Variants in POU2F3 observed in about 807,000 individuals in gnomAD.
POU2F3 encodes POU domain, class 2, transcription factor 3.
In POU2F3, 23 loss-of-function variants were observed where a neutral mutation model predicts 59.2. That is an observed-to-expected ratio of 0.39 (90% confidence interval 0.28 to 0.55). The LOEUF is 0.55. Among genes scored for constraint, POU2F3 ranks in the 20% least tolerant of loss-of-function variants. The pLI is 0.66. For missense variants in POU2F3, 473 were observed against 544.5 expected (o/e 0.87, Z 1.31); for synonymous variants, 190 against 214.6 (o/e 0.89, Z 1.00).
chr11:120,305,118 G>T lies in POU2F3; in HGVS notation c.533G>T (p.Ser178Ile), dbSNP rs1361358794. ...CTCCCAGTGCCCAAGCATCTACCCA[G>T]CTCTGGAGGGGCCGATGAGCCCAGT... is the stretch of plus-strand genomic sequence containing the variant. ...QHLPVPKHLP[S>I]SGGADEPSDL... Residue 178 changes from serine (S) to isoleucine (I), a missense_variant, in exon 7 of 13, where the codon AGC (serine) becomes ATC (isoleucine). Physicochemically the swap from Ser to Ile is moderately radical, Grantham distance 142 (BLOSUM62 -2). Transcript: ENST00000543440. The T allele has an allele frequency of 1.9e-6, 3 of 1,614,014 alleles. No individual in the cohort carries two copies. Among genetic ancestry groups the T allele is most frequent in the Non-Finnish European group, 2.5e-6 (3 of 1,180,012 alleles).
chr11:120,262,174 C>A (rs566034853), intron 2 of POU2F3, among the ~76,000 whole-genome samples: 1 of 152,128 alleles, frequency 6.6e-6, no homozygotes, highest in Non-Finnish European at 1.5e-5. Flanking sequence ...CTCAATGAAC[C>A]TTTTCAACTT....
intron 2 of POU2F3, among the ~76,000 whole-genome samples, chr11:120,247,660 G>T (rs1938927148): frequency 6.6e-6 from 1 of 152,154 alleles, no homozygotes; most frequent in South Asian, 2.1e-4. Flanking sequence ...TGTGGAGAGG[G>T]GCACCTGTTC....
chr11:120,302,529 C>A (rs2135288688), intron 6 of POU2F3, 161 bp downstream of exon 6: 1 of 613,936 alleles, frequency 1.6e-6, no homozygotes, highest in South Asian at 2.5e-5. Flanking sequence ...CAAGCTACAG[C>A]AAGTGGGGGG....
At chr11:120,297,639 T>C (rs907258664) in intron 3 of POU2F3, among the ~76,000 whole-genome samples, 1 of 152,138 alleles carries the variant, frequency 6.6e-6, no homozygotes, top group African/African-American at 2.4e-5. Context: ...CAGTAAAGAG[T>C]TGCCAGTTTT....
rs10892559 is a variant in POU2F3, at chr11:120,285,669, C to T, written c.133-12596C>T. Among the ~76,000 whole-genome samples the T allele has an allele frequency of 0.51, 78,138 of 152,030 alleles. 23,485 individuals are homozygous for T. The highest frequency in any genetic ancestry group is 1 in the East Asian group (5,166 of 5,186). On this transcript the variant is annotated intron_variant, in intron 3 of 12. Transcript: ENST00000543440. The surrounding 1 kb of genome is among the most constrained non-coding windows in gnomAD (Gnocchi z 4.3). The stretch of plus-strand genomic sequence containing the variant: ...GAGGTAACTCCTTTTATCAGGGTAG[C>T]GTATATATGTCTGGAAGACTTTTTC...
At chr11:120,242,597 G>A (rs1367076489) in intron 1 of POU2F3, among the ~76,000 whole-genome samples, 4 of 152,170 alleles carry the variant, frequency 2.6e-5, no homozygotes, top group Non-Finnish European at 5.9e-5. Context: ...GTTTGGATGG[G>A]GGAAGGAGGA....
intron 2 of POU2F3, among the ~76,000 whole-genome samples, chr11:120,252,884 T>G (rs1231384561): frequency 6.6e-6 from 1 of 152,074 alleles, no homozygotes; most frequent in Non-Finnish European, 1.5e-5. Context: ...GGAGATCTCC[T>G]TAAGGAAATG....
chr11:120,273,434 G>T (rs1451849620), intron 3 of POU2F3, among the ~76,000 whole-genome samples: 2 of 152,202 alleles, frequency 1.3e-5, no homozygotes, highest in Non-Finnish European at 1.5e-5. Flanking sequence ...TAGCAGAGAG[G>T]GTTGGCAGGA....
intron 1 of POU2F3, among the ~76,000 whole-genome samples, chr11:120,241,641 C>A (rs1938667237): frequency 6.6e-6 from 1 of 152,190 alleles, no homozygotes; most frequent in Non-Finnish European, 1.5e-5. Flanking sequence ...GGTAGGTGCT[C>A]TCCCCTTCAC....
Position 120,319,808 on chromosome 11 carries a change from C to T in POU2F3, c.*1416C>T, listed in dbSNP as rs375262616. The T allele has an allele frequency of 6.6e-6, 1 of 150,928 alleles. No individual in the cohort carries two copies. The highest frequency in any genetic ancestry group is 2.4e-5 in the African/African-American group (1 of 40,886). 9.3% of individuals were successfully genotyped at this position (150,928 alleles called of 1,614,324 possible). The stretch of plus-strand genomic sequence containing the variant: ...CTCTAGAGTCTGCTTTTTTGTGGGC[C>T]AGTTTGTAGAGATGTAACATGAAGC... On this transcript the variant is annotated 3_prime_UTR_variant, in exon 13 of 13. Transcript: ENST00000543440.
At chr11:120,268,342 A>G (rs1409725680) in intron 2 of POU2F3, among the ~76,000 whole-genome samples, 1 of 151,850 alleles carries the variant, frequency 6.6e-6, no homozygotes, top group African/African-American at 2.4e-5. Flanking sequence ...TTATGTATTT[A>G]TTTATTTATT....
At chr11:120,238,886 T>C (rs905293720), upstream of POU2F3, among the ~76,000 whole-genome samples, 4 of 149,930 alleles carry the variant, frequency 2.7e-5, no homozygotes, top group African/African-American at 7.4e-5. Flanking sequence ...CTAAGCCTCA[T>C]TTTCCCCATC....
chr11:120,255,400 G>T (rs140161722), intron 2 of POU2F3, among the ~76,000 whole-genome samples: 321 of 152,250 alleles, frequency 2.1e-3, no homozygotes, highest in Admixed American at 5.0e-3. Context: ...AGGAAACTGG[G>T]TGGTTGCTAT....
At chr11:120,309,384 T>C in intron 9 of POU2F3, 41 bp from the exon 10 acceptor site, 1 of 1,551,684 alleles carries the variant, frequency 6.4e-7, no homozygotes, top group South Asian at 1.1e-5. Context: ...TGCCCCTGAT[T>C]CCCTTCTCTT....
Position 120,305,708 on chromosome 11 carries a change from G to C in POU2F3, c.692G>C (p.Arg231Pro), listed in dbSNP as rs767943125. 1 of 1,614,004 alleles carries C rather than the reference G, an allele frequency of 6.2e-7. No individual in the cohort carries two copies. ...GNDFSQTTIS[R>P]FEALNLSFKN... ...GACTTCAGCCAGACCACCATCTCAC[G>C]ATTTGAGGCCCTCAACCTGAGCTTC... Residue 231 changes from arginine (R) to proline (P), a missense_variant, in exon 8 of 13, where the codon CGA becomes CCA. Coordinates refer to ENST00000543440, the MANE Select transcript of POU2F3 (RefSeq NM_014352.4).
intron 3 of POU2F3, among the ~76,000 whole-genome samples, chr11:120,281,460 A>C (rs963401646): frequency 6.6e-5 from 10 of 151,658 alleles, no homozygotes; most frequent in Non-Finnish European, 1.5e-4. Context: ...TGTTATCTCC[A>C]AATCCAGCTT....
chr11:120,243,364 T>G (rs2847499), intron 1 of POU2F3, among the ~76,000 whole-genome samples: 141,636 of 152,102 alleles, frequency 0.93, 66,074 homozygotes, highest in East Asian at 1. Context: ...CTGCAGCCTG[T>G]GGGGAGTGCT....
At chr11:120,243,831 G>A (rs1938767356) in intron 1 of POU2F3, among the ~76,000 whole-genome samples, 2 of 152,296 alleles carry the variant, frequency 1.3e-5, no homozygotes, top group Non-Finnish European at 2.9e-5. Flanking sequence ...CAATCCTGAA[G>A]TGGCACCTTG....
chr11:120,306,812 A>C (rs966795079), intron 8 of POU2F3, among the ~76,000 whole-genome samples: 1 of 152,186 alleles, frequency 6.6e-6, no homozygotes, highest in Non-Finnish European at 1.5e-5. Flanking sequence ...CTCCCCCTAC[A>C]GGCTGTCCCT....
Sources: allele counts gnomAD v4.1 joint callset (sites outside exome capture counted in the v4.1 genomes callset), GRCh38; gene constraint gnomAD v4.1.1; non-coding constraint Gnocchi (gnomAD v3.1); transcripts MANE v1.5; gene names NCBI Gene and HGNC (gene_info 2026-07-23, HGNC 2026-07-21).